Variants in MYCBP2 observed in about 807,000 individuals in gnomAD.
MYCBP2 encodes E3 ubiquitin-protein ligase MYCBP2.
MYCBP2 carries 120 observed loss-of-function variants against 525.3 expected under a neutral mutation model. That is an observed-to-expected ratio of 0.23 (90% CI 0.20 to 0.27). The LOEUF is 0.27. MYCBP2 is among the 10% of genes least tolerant of loss of function. MYCBP2 has a pLI of 1.00. For missense variants in MYCBP2, 4,149 were observed against 5,657.1 expected (o/e 0.73, Z 8.55); for synonymous variants, 1,894 against 1,955.8 (o/e 0.97, Z 0.83).
intron 55 of MYCBP2, among the ~76,000 whole-genome samples, chr13:77,102,391 A>G (rs2047203881): frequency 6.6e-6 from 1 of 151,678 alleles, no homozygotes; most frequent in African/African-American, 2.4e-5. Flanking sequence ...AAAAAAGAAA[A>G]TCAGTAATTA....
chr13:77,178,126 C>T (rs973035329), intron 34 of MYCBP2, among the ~76,000 whole-genome samples, 172 bp from the exon 35 acceptor site: 3 of 152,198 alleles, frequency 2.0e-5, no homozygotes, highest in Non-Finnish European at 2.9e-5. Context: ...TTTTATCATT[C>T]TAAATTCACA....
rs780275824 is a variant in MYCBP2 at position 77,166,519 on chromosome 13, G to A, written c.6150C>T (p.Ile2050=). Residue 2050 remains isoleucine, a synonymous_variant, in exon 41 of 83, where the codon ATC becomes ATT. Coordinates refer to ENST00000544440, the MANE Select transcript of MYCBP2 (RefSeq NM_015057.5). ...CAGTACCACACTGAGGGTCAAATTC[G>A]ATTGTCATCCACCTCACACATTCTG... ...TFPECVRWMT[I]EFDPQCGTAQ... is the part of the protein sequence containing the mutation. 8.1e-6 allele frequency: 13 copies of A among 1,613,042 alleles called. No homozygotes were observed. Among genetic ancestry groups the A allele is most frequent in the East Asian group, 2.2e-5 (1 of 44,878 alleles).
chr13:77,098,293 C>T lies in MYCBP2; in HGVS notation c.8861G>A (p.Ser2954Asn). 1.2e-6 allele frequency: 2 copies of T among 1,611,838 alleles called. No individual in the cohort carries two copies. Among genetic ancestry groups the T allele is most frequent in the Non-Finnish European group, 1.7e-6 (2 of 1,179,778 alleles). Residue 2954 changes from serine to asparagine, a missense_variant, in exon 56 of 83, where the codon AGC (serine) becomes AAC (asparagine). Around this residue, in one of 21 missense-constraint regions of MYCBP2, gnomAD observed 653 missense variants for 744.7 expected, o/e 0.88. Coordinates refer to ENST00000544440, the MANE Select transcript of MYCBP2 (RefSeq NM_015057.5). ...NSLTDSTCDD[S>N]SEFKSVDEGS... ...TTCATCCACACTCTTAAATTCACTG[C>T]TGTCATCGCAGGTGCTGTCTGTTAG...
At chr13:77,260,633 C>G in intron 12 of MYCBP2, 41 bp from the exon 13 acceptor site, 1 of 1,424,190 alleles carries the variant, frequency 7.0e-7, no homozygotes, top group Non-Finnish European at 9.6e-7. Flanking sequence ...CCTCTATGTA[C>G]AAATAATAAT....
At chr13:77,246,828 T>G (rs928639144) in intron 15 of MYCBP2, among the ~76,000 whole-genome samples, 1 of 152,018 alleles carries the variant, frequency 6.6e-6, no homozygotes, top group Non-Finnish European at 1.5e-5. Flanking sequence ...TGAAAATCAA[T>G]CCATGTAATG....
intron 39 of MYCBP2, among the ~76,000 whole-genome samples, chr13:77,169,016 C>A (rs2058836916): frequency 6.6e-6 from 1 of 152,204 alleles, no homozygotes. Flanking sequence ...TTGGCATCAA[C>A]CTCATAAATG....
At chr13:77,243,729 A>G in intron 16 of MYCBP2, 77 bp downstream of exon 16, 1 of 1,296,022 alleles carries the variant, frequency 7.7e-7, no homozygotes, top group Non-Finnish European at 1.0e-6. Flanking sequence ...CATATATCTA[A>G]AAGAAATTGT....
intron 26 of MYCBP2, among the ~76,000 whole-genome samples, chr13:77,198,377 C>T (rs1256790241): frequency 6.6e-6 from 1 of 152,158 alleles, no homozygotes; most frequent in Non-Finnish European, 1.5e-5. Flanking sequence ...TCTGGTTGGG[C>T]CTCCATGGGG....
chr13:77,264,457 C>T (rs972201824), intron 8 of MYCBP2, among the ~76,000 whole-genome samples: 5 of 152,200 alleles, frequency 3.3e-5, no homozygotes, highest in African/African-American at 1.2e-4. Flanking sequence ...ATATCCCTTG[C>T]TTTGTAAAAT....
chr13:77,288,439 A>G, intron 2 of MYCBP2, 63 bp from the exon 3 acceptor site: 1 of 1,373,162 alleles, frequency 7.3e-7, no homozygotes, highest in Non-Finnish European at 1.0e-6. Flanking sequence ...CCCATTTTAC[A>G]TAAAAGTAAA....
At chr13:77,267,067 C>T (rs1308960515) in intron 8 of MYCBP2, among the ~76,000 whole-genome samples, 1 of 151,958 alleles carries the variant, frequency 6.6e-6, no homozygotes, top group Non-Finnish European at 1.5e-5. Flanking sequence ...AGTAATATTG[C>T]TACTATGAAA....
intron 20 of MYCBP2, among the ~76,000 whole-genome samples, chr13:77,220,869 T>C (rs1411867711): frequency 3.3e-5 from 5 of 152,124 alleles, no homozygotes; most frequent in African/African-American, 1.2e-4. Context: ...CTAGGCACAG[T>C]ATATAGGTAT....
chr13:77,288,438 C>A, intron 2 of MYCBP2, 62 bp from the exon 3 acceptor site: 2 of 1,386,654 alleles, frequency 1.4e-6, no homozygotes, highest in Non-Finnish European at 2.0e-6. Flanking sequence ...TCCCATTTTA[C>A]ATAAAAGTAA....
In MYCBP2 at chr13:77,093,175, T is replaced by C; in HGVS notation, c.10357A>G (p.Met3453Val). Residue 3453 changes from methionine to valine, a missense_variant, in exon 59 of 83, where the codon ATG becomes GTG. This residue lies in a region of MYCBP2 where 509 missense variants were observed against 789.4 expected (regional missense o/e 0.64). Transcript: ENST00000544440. ...FEEPESNMKS[M>V]PPSLETSPIT... ...AGAGAACTAAAATACCTTGGTGGCATAGACTTCATATTGCTCTCTGGCTCT... is the reference window on the plus strand; with the variant it reads ...AGAGAACTAAAATACCTTGGTGGCACAGACTTCATATTGCTCTCTGGCTCT... The C allele has an allele frequency of 6.2e-7, 1 of 1,609,998 alleles. No individual in the cohort carries two copies. The highest frequency in any genetic ancestry group is 8.5e-7 in the Non-Finnish European group (1 of 1,178,360).
chr13:77,162,290 C>A (rs1432721023), intron 43 of MYCBP2, among the ~76,000 whole-genome samples: 1 of 152,152 alleles, frequency 6.6e-6, no homozygotes, highest in Non-Finnish European at 1.5e-5. Flanking sequence ...TATTTCAGAT[C>A]TGGGCCTTTA....
chr13:77,270,664 C>G, intron 5 of MYCBP2, 126 bp from the exon 6 acceptor site: 3 of 1,041,530 alleles, frequency 2.9e-6, no homozygotes, highest in Non-Finnish European at 4.0e-6. Context: ...ATTTCGCATG[C>G]CAGCAAAAAG....
intron 1 of MYCBP2, among the ~76,000 whole-genome samples, chr13:77,313,052 T>A (rs2080467272): frequency 6.6e-6 from 1 of 151,894 alleles, no homozygotes; most frequent in Non-Finnish European, 1.5e-5. Context: ...AAGATCAAAA[T>A]CATACAAGGT....
Position 77,296,536 on chromosome 13 carries a change from G to C in MYCBP2, c.378+63C>G, listed in dbSNP as rs574278305. On this transcript the variant is annotated intron_variant, in intron 2 of 82. Coordinates refer to ENST00000544440, the MANE Select transcript of MYCBP2 (RefSeq NM_015057.5). ...GGTTTAATTATATTTTTTAATCTTG[G>C]CATTTTTATTCAAATCACCATATGA... 8.7e-5 allele frequency: 130 copies of C among 1,490,066 alleles called. No individual in the cohort carries two copies. The South Asian group carries it at 1.7e-3, about 20-fold the overall frequency. 92.3% of individuals were successfully genotyped at this position (1,490,066 alleles called of 1,614,324 possible).
intron 18 of MYCBP2, among the ~76,000 whole-genome samples, chr13:77,226,516 G>A (rs2066289240): frequency 6.6e-6 from 1 of 152,094 alleles, no homozygotes; most frequent in East Asian, 1.9e-4. Flanking sequence ...AATTTCACAA[G>A]TTCAACTAGT....
Sources: allele counts gnomAD v4.1 joint callset (sites outside exome capture counted in the v4.1 genomes callset), GRCh38; gene constraint gnomAD v4.1.1; regional missense constraint gnomAD v4.1.1; transcripts MANE v1.5; gene names NCBI Gene and HGNC (gene_info 2026-07-23, HGNC 2026-07-21).